LRRC37A2: variants seen among roughly 807,000 people sequenced by gnomAD.
The protein encoded by LRRC37A2 is leucine rich repeat containing 37 member A2.
A neutral mutation model predicts 68.8 loss-of-function variants in LRRC37A2; 9 were observed. That is an observed-to-expected ratio of 0.13 (90% CI 0.08 to 0.23). The LOEUF (loss-of-function observed/expected upper bound fraction) is 0.23, where lower values mean the gene tolerates loss of function less well. Among genes scored for constraint, LRRC37A2 ranks in the 10% least tolerant of loss-of-function variants. The pLI, the probability that LRRC37A2 is intolerant of heterozygous loss-of-function variation, is 1.00. For synonymous variants in LRRC37A2, 63 were observed against 367.6 expected, an observed-to-expected ratio of 0.17 and a Z score of 9.48; for missense variants, 168 against 950.4, an observed-to-expected ratio of 0.18 and a Z score of 10.82.
the LRRC37A2 span, among the ~76,000 whole-genome samples, chr17:47,001,911 GTTGTAT>G: frequency 3.3e-5 from 5 of 151,756 alleles, no homozygotes; most frequent in South Asian, 2.1e-4. Flanking sequence ...TAGTACAAAT[GTTGTAT>G]TTGTATTTGT....
the LRRC37A2 span, chr17:46,830,692 G>A: frequency 5.0e-6 from 2 of 398,486 alleles, no homozygotes; most frequent in Non-Finnish European, 8.8e-6. Context: ...GGACTTTTGG[G>A]AGCATTTTGA....
chr17:46,918,209 A>G, the LRRC37A2 span, among the ~76,000 whole-genome samples: 1 of 152,170 alleles, frequency 6.6e-6, no homozygotes, highest in African/African-American at 2.4e-5. Context: ...CCTCCCGAGT[A>G]GCTGGGACTA....
At chr17:46,957,901 C>T in the LRRC37A2 span, among the ~76,000 whole-genome samples, 2 of 152,172 alleles carry the variant, frequency 1.3e-5, no homozygotes, top group African/African-American at 2.4e-5. Flanking sequence ...TCACCCAGGA[C>T]GCTGCAGCAG....
the LRRC37A2 span, among the ~76,000 whole-genome samples, chr17:47,015,505 C>T: frequency 1.3e-5 from 2 of 151,878 alleles, no homozygotes; most frequent in African/African-American, 2.4e-5. Context: ...TAAGTATATG[C>T]TATGATGTTA....
At chr17:46,891,056 G>C in the LRRC37A2 span, among the ~76,000 whole-genome samples, 2 of 152,074 alleles carry the variant, frequency 1.3e-5, 1 homozygote, top group South Asian at 4.1e-4. Context: ...TTGAATTTAC[G>C]TTGCAAAGCA....
chr17:46,954,412 A>G, the LRRC37A2 span, among the ~76,000 whole-genome samples: 1 of 152,220 alleles, frequency 6.6e-6, no homozygotes, highest in Non-Finnish European at 1.5e-5. Context: ...TGTTGGTACC[A>G]GTACCATGCT....
the LRRC37A2 span, among the ~76,000 whole-genome samples, chr17:46,774,800 C>T: frequency 3.3e-5 from 5 of 152,202 alleles, no homozygotes; most frequent in African/African-American, 9.7e-5. Context: ...ACGACTTTTC[C>T]GTTCCCTGCC....
chr17:46,838,970 C>T, the LRRC37A2 span, among the ~76,000 whole-genome samples: 5 of 152,104 alleles, frequency 3.3e-5, no homozygotes, highest in East Asian at 1.9e-4. Context: ...CTCTTCCTCC[C>T]GGGTTCAAGC....
chr17:46,978,702 C>A, the LRRC37A2 span: 1 of 1,612,042 alleles, frequency 6.2e-7, no homozygotes. Flanking sequence ...GCTCCTGCAC[C>A]AGAAAGTTGA....
chr17:47,021,305 A>G, the LRRC37A2 span, among the ~76,000 whole-genome samples: 1 of 136,962 alleles, frequency 7.3e-6, no homozygotes, highest in Non-Finnish European at 1.6e-5. Flanking sequence ...AGCTTAATTC[A>G]GGGAGACAAA....
the LRRC37A2 span, among the ~76,000 whole-genome samples, chr17:46,729,772 G>A: frequency 2.0e-5 from 3 of 152,094 alleles, no homozygotes; most frequent in Non-Finnish European, 2.9e-5. Context: ...CTCTTAAACT[G>A]GTGAATCTAA....
chr17:46,825,120 T>C, the LRRC37A2 span, among the ~76,000 whole-genome samples: 1 of 152,382 alleles, frequency 6.6e-6, no homozygotes, highest in Middle Eastern at 3.4e-3. Context: ...ATGGCTGGCC[T>C]GCCCAAGGCT....
chr17:46,987,100 A>C, the LRRC37A2 span, among the ~76,000 whole-genome samples: 2 of 152,040 alleles, frequency 1.3e-5, no homozygotes, highest in African/African-American at 4.8e-5. Flanking sequence ...AAAATTAGCC[A>C]AGCGTGGTGG....
At chr17:46,971,271 A>T in the LRRC37A2 span, among the ~76,000 whole-genome samples, 1 of 152,182 alleles carries the variant, frequency 6.6e-6, no homozygotes, top group Admixed American at 6.5e-5. Context: ...TGGGAGGCAG[A>T]GGTTGCAGTG....
the LRRC37A2 span, among the ~76,000 whole-genome samples, chr17:46,946,334 G>A: frequency 1.9e-4 from 29 of 150,320 alleles, no homozygotes; most frequent in African/African-American, 6.6e-4. Flanking sequence ...GGTGGCGCAT[G>A]CCTGTAATCC....
the LRRC37A2 span, among the ~76,000 whole-genome samples, chr17:46,967,779 T>G: frequency 1.3e-5 from 2 of 152,104 alleles, no homozygotes; most frequent in African/African-American, 4.8e-5. Context: ...TGGTGCCACC[T>G]GTGTTCTGGG....
the LRRC37A2 span, among the ~76,000 whole-genome samples, chr17:46,950,752 G>A: frequency 6.6e-6 from 1 of 152,176 alleles, no homozygotes. Context: ...TCTGTGGTGG[G>A]GTAGTTCAGT....
chr17:46,535,019 G>T (rs1480923161), intron 6 of LRRC37A2, among the ~76,000 whole-genome samples: 2 of 149,948 alleles, frequency 1.3e-5, no homozygotes, highest in African/African-American at 5.0e-5. Context: ...GTCGCGGCCG[G>T]GCAGAGGCGC....
At chr17:46,830,321 G>A in the LRRC37A2 span, among the ~76,000 whole-genome samples, 1 of 152,120 alleles carries the variant, frequency 6.6e-6, no homozygotes, top group Non-Finnish European at 1.5e-5. Flanking sequence ...GCACAAACAC[G>A]GCTTACTGCA....
Sources: allele counts gnomAD v4.1 joint callset (sites outside exome capture counted in the v4.1 genomes callset), GRCh38; gene constraint gnomAD v4.1.1; transcripts MANE v1.5; gene names NCBI Gene and HGNC (gene_info 2026-07-23, HGNC 2026-07-21).